The following SLC20A2 variants were observed in gnomAD, a reference collection of about 807,000 sequenced individuals.
SLC20A2 encodes sodium-dependent phosphate transporter 2.
SLC20A2 carries 30 observed loss-of-function variants against 61.0 expected under a neutral mutation model. That is an observed-to-expected ratio of 0.49 (90% CI 0.37 to 0.67). SLC20A2 has a LOEUF of 0.67. SLC20A2 is among the 30% of genes least tolerant of loss of function. The probability of loss-of-function intolerance (pLI) is 0.00; values close to 1 mark genes in which losing one functional copy is unlikely to be tolerated. For missense variants in SLC20A2, 626 were observed against 866.4 expected (o/e 0.72, Z 3.48); for synonymous variants, 351 against 353.3 (o/e 0.99, Z 0.07).
upstream of SLC20A2, among the ~76,000 whole-genome samples, chr8:42,504,799 T>C (rs1810540094): frequency 8.4e-6 from 1 of 119,480 alleles, no homozygotes; most frequent in Non-Finnish European, 1.6e-5. Flanking sequence ...TGAGCCAAGA[T>C]CATGCCACTG....
intron 1 of SLC20A2, among the ~76,000 whole-genome samples, chr8:42,538,652 G>T (rs1563560189): frequency 6.6e-6 from 1 of 152,208 alleles, no homozygotes; most frequent in East Asian, 1.9e-4. Context: ...GAGTGAAACA[G>T]AAGAAGTCCC....
At chr8:42,475,392 G>T (rs895348909) in intron 1 of SLC20A2, among the ~76,000 whole-genome samples, 9 of 148,252 alleles carry the variant, frequency 6.1e-5, no homozygotes, top group African/African-American at 2.3e-4. Context: ...GAGATACCAT[G>T]CCCGGCCCAG....
At position 42,520,465 on chromosome 8, in the gene SLC20A2, G is replaced by T. The variant is rs962006178; in HGVS notation, c.-265+21356C>A. On this transcript the variant is annotated intron_variant, in intron 1 of 10. Coordinates refer to the SLC20A2 transcript ENST00000342228. ...CTTGAGGCTGGGGGCGGTGGCTTAC[G>T]CCTGTAATCCCAGCACTTTGGGAGG... Among the ~76,000 whole-genome samples, 2 of 121,510 alleles carry T rather than the reference G, an allele frequency of 1.6e-5. 1 individual carries two copies. The highest frequency in any genetic ancestry group is 4.0e-5 in the Non-Finnish European group (2 of 50,384). 79.7% of individuals were successfully genotyped at this position (121,510 alleles called of 152,430 possible).
At chr8:42,448,572 C>T (rs919088087) in intron 5 of SLC20A2, among the ~76,000 whole-genome samples, 33 of 152,178 alleles carry the variant, frequency 2.2e-4, no homozygotes, top group Non-Finnish European at 5.9e-5. Flanking sequence ...CTGCCCTTTG[C>T]ACCTTTGCCG....
intron 5 of SLC20A2, among the ~76,000 whole-genome samples, chr8:42,459,214 TGAGA>T (rs1197278467): frequency 8.5e-6 from 1 of 117,286 alleles, no homozygotes; most frequent in African/African-American, 3.6e-5. Flanking sequence ...CCATCCTGGG[TGAGA>T]GAGTGAGACT....
chr8:42,437,309 G>A lies in SLC20A2; in HGVS notation c.1203C>T (p.Thr401=), dbSNP rs1270336656. The A allele has an allele frequency of 6.2e-6, 10 of 1,614,220 alleles. 1 individual carries two copies. The highest frequency in any genetic ancestry group is 3.3e-4 in the Middle Eastern group (2 of 6,062). ...GGGCCGATGAGTCCGCAGCTCGAAA[G>A]GTGGCGTGCACTGGCAGCCCACAAA... ...AAICGLPVHA[T]FRAADSSAPE... Residue 401 remains threonine, a synonymous_variant, in exon 8 of 11, where the codon ACC becomes ACT. Transcript: ENST00000520262. This position sits in a 1 kb window ranked among gnomAD's most constrained non-coding sequence, Gnocchi z 6.4.
chr8:42,423,155 T>A (rs1803157332), intron 10 of SLC20A2, among the ~76,000 whole-genome samples: 1 of 152,110 alleles, frequency 6.6e-6, no homozygotes, highest in African/African-American at 2.4e-5. Context: ...CACATTTGGT[T>A]TTTATTATTT....
chr8:42,469,066 C>CT (rs1328597384), intron 2 of SLC20A2, among the ~76,000 whole-genome samples: 2 of 151,916 alleles, frequency 1.3e-5, no homozygotes, highest in Non-Finnish European at 2.9e-5. Context: ...GGAGAAGTGA[C>CT]TAACAGAGAA....
chr8:42,462,344 C>T (rs1005766199), intron 4 of SLC20A2, among the ~76,000 whole-genome samples: 1 of 152,168 alleles, frequency 6.6e-6, no homozygotes, highest in Non-Finnish European at 1.5e-5. Flanking sequence ...AGGGCTGCGC[C>T]AGCTTCCAAG....
intron 10 of SLC20A2, among the ~76,000 whole-genome samples, chr8:42,424,163 C>G (rs1803232893): frequency 6.6e-6 from 1 of 152,188 alleles, no homozygotes; most frequent in South Asian, 2.1e-4. Context: ...AGCAACTGTG[C>G]TCAGTAGTGG....
intron 1 of SLC20A2, among the ~76,000 whole-genome samples, chr8:42,507,027 G>T (rs562905032): frequency 6.3e-4 from 96 of 152,286 alleles, no homozygotes; most frequent in Middle Eastern, 3.4e-3. Context: ...TGGTCAGCCC[G>T]CTGAGCACCT....
At chr8:42,487,571 C>A (rs2131299735) in intron 1 of SLC20A2, among the ~76,000 whole-genome samples, 1 of 152,228 alleles carries the variant, frequency 6.6e-6, no homozygotes, top group East Asian at 1.9e-4. Context: ...ATTTCTCTGG[C>A]TCTGTTCATT....
chr8:42,497,816 G>A (rs571826740), intron 1 of SLC20A2, among the ~76,000 whole-genome samples: 2 of 151,814 alleles, frequency 1.3e-5, no homozygotes, highest in South Asian at 2.1e-4. Context: ...TTGGGCACGG[G>A]GGGAGGGACT....
chr8:42,462,605 A>G (rs1233819868), intron 4 of SLC20A2, among the ~76,000 whole-genome samples: 2 of 151,466 alleles, frequency 1.3e-5, no homozygotes, highest in South Asian at 2.1e-4. Flanking sequence ...AAAAAAAAAA[A>G]GGGAACACAC....
intron 2 of SLC20A2, among the ~76,000 whole-genome samples, chr8:42,471,363 T>A (rs1807625508): frequency 6.6e-6 from 1 of 152,236 alleles, no homozygotes; most frequent in African/African-American, 2.4e-5. Flanking sequence ...CCAGCCACTC[T>A]GCTTATTCAC....
At chr8:42,533,604 C>T (rs1448710088) in intron 1 of SLC20A2, among the ~76,000 whole-genome samples, 2 of 149,602 alleles carry the variant, frequency 1.3e-5, no homozygotes, top group African/African-American at 4.9e-5. Flanking sequence ...ACACTCCAAC[C>T]TGGGCAACAA....
chr8:42,513,689 T>C (rs1321570253), intron 1 of SLC20A2, among the ~76,000 whole-genome samples: 6 of 152,174 alleles, frequency 3.9e-5, no homozygotes, highest in African/African-American at 1.2e-4. Context: ...TGGTGACAAG[T>C]GCTTGAGAAA....
intron 8 of SLC20A2, 24 bp downstream of exon 8, chr8:42,436,965 G>T: frequency 6.4e-7 from 1 of 1,562,756 alleles, no homozygotes; most frequent in South Asian, 1.2e-5. Flanking sequence ...GACCCTTGTT[G>T]AATGAATGAA....
chr8:42,524,538 A>G (rs1030079776), intron 1 of SLC20A2, among the ~76,000 whole-genome samples: 2 of 152,140 alleles, frequency 1.3e-5, no homozygotes, highest in Non-Finnish European at 2.9e-5. Context: ...CTGTAATCCC[A>G]GCATTTTAGG....
Sources: allele counts gnomAD v4.1 joint callset (sites outside exome capture counted in the v4.1 genomes callset), GRCh38; gene constraint gnomAD v4.1.1; non-coding constraint Gnocchi (gnomAD v3.1); transcripts MANE v1.5; gene names NCBI Gene and HGNC (gene_info 2026-07-23, HGNC 2026-07-21).